Variants in DNAJC6 observed in about 807,000 individuals in gnomAD.
DNAJC6 encodes DnaJ heat shock protein family (Hsp40) member C6.
Under a neutral mutation model 110.0 loss-of-function variants are expected in DNAJC6, and 34 were observed. The ratio of observed to expected loss-of-function variants is 0.31; its 90% CI spans 0.24 to 0.41. The LOEUF (loss-of-function observed/expected upper bound fraction) is 0.41. Among genes scored for constraint, DNAJC6 ranks in the 10% least tolerant of loss-of-function variants. DNAJC6 has a pLI of 1.00. For missense variants in DNAJC6, 1,031 were observed against 1,207.8 expected (o/e 0.85, Z 2.17); for synonymous variants, 406 against 437.2 (o/e 0.93, Z 0.89).
At chr1:65,295,083 C>A (rs1476242683) in intron 1 of DNAJC6, among the ~76,000 whole-genome samples, 2 of 152,136 alleles carry the variant, frequency 1.3e-5, no homozygotes, top group Admixed American at 1.3e-4. Flanking sequence ...GTGTATTGAG[C>A]TACAGTGATG....
Position 65,392,781 on chromosome 1 carries a change from C to T in DNAJC6, c.1819C>T (p.Pro607Ser). ...GTCAGGAGTGGAAGATGTGTTTCATCCTAGTGGACCTGCGTCTACCCAGTC... is the reference window on the plus strand; with the variant it reads ...GTCAGGAGTGGAAGATGTGTTTCATTCTAGTGGACCTGCGTCTACCCAGTC... ...GQSGVEDVFH[P>S]SGPASTQSTP... The change falls in exon 12 of 19, where the codon CCT becomes TCT. Residue 607 changes from proline (P) to serine (S), a missense_variant. By Grantham distance (74) the Pro-to-Ser change is moderately conservative. Coordinates refer to ENST00000371069, the MANE Select transcript of DNAJC6 (RefSeq NM_001256864.2). 6.2e-7 allele frequency: 1 copy of T among 1,608,294 alleles called. No homozygotes were observed. Among genetic ancestry groups the T allele is most frequent in the African/African-American group, 1.3e-5 (1 of 74,892 alleles).
intron 15 of DNAJC6, among the ~76,000 whole-genome samples, chr1:65,402,505 C>T (rs1258295729): frequency 2.0e-5 from 3 of 152,210 alleles, no homozygotes; most frequent in Non-Finnish European, 4.4e-5. Flanking sequence ...ATCCAGAGTT[C>T]TCAAACTGAT....
intron 1 of DNAJC6, among the ~76,000 whole-genome samples, chr1:65,269,502 G>A (rs1383882535): frequency 6.6e-6 from 1 of 152,084 alleles, no homozygotes; most frequent in East Asian, 1.9e-4. Context: ...AAATAGTGTG[G>A]TGTTCATCCT....
intron 5 of DNAJC6, among the ~76,000 whole-genome samples, chr1:65,383,019 G>A (rs891750222): frequency 6.6e-6 from 1 of 152,134 alleles, no homozygotes; most frequent in East Asian, 1.9e-4. Flanking sequence ...TTTATTTTTT[G>A]TTCTCACAAA....
intron 1 of DNAJC6, among the ~76,000 whole-genome samples, chr1:65,322,855 G>T (rs577196706): frequency 1.3e-5 from 2 of 152,152 alleles, no homozygotes; most frequent in African/African-American, 2.4e-5. Flanking sequence ...TGATATTTCT[G>T]TGAATTATTT....
chr1:65,345,565 A>T, intron 1 of DNAJC6: 1 of 697,858 alleles, frequency 1.4e-6, no homozygotes, highest in South Asian at 6.5e-5. Context: ...TAATCACAAC[A>T]CGCTAGTACT....
chr1:65,388,297 G>A (rs751417732), intron 8 of DNAJC6, 39 bp from the exon 9 acceptor site: 51 of 1,560,410 alleles, frequency 3.3e-5, no homozygotes, highest in Non-Finnish European at 4.1e-5. Flanking sequence ...TTCCCTTTTC[G>A]CTGATTGATT....
At chr1:65,380,383 G>A (rs893963962) in intron 5 of DNAJC6, among the ~76,000 whole-genome samples, 1 of 152,200 alleles carries the variant, frequency 6.6e-6, no homozygotes, top group Non-Finnish European at 1.5e-5. Context: ...ATTACTTGAT[G>A]ATTCCCAACC....
At chr1:65,279,231 A>T in intron 1 of DNAJC6, 3 of 901,396 alleles carry the variant, frequency 3.3e-6, no homozygotes, top group Non-Finnish European at 4.0e-6. Context: ...TGGCGTGCAG[A>T]GATTGAACCC....
At position 65,268,072 on chromosome 1, in the gene DNAJC6, A is replaced by G. The variant is rs74080368; in HGVS notation, c.-131+3140A>G. Among the ~76,000 whole-genome samples, 822 of 152,350 alleles carry G rather than the reference A, an allele frequency of 5.4e-3. 2 individuals are homozygous for G. The highest frequency in any genetic ancestry group is 0.019 in the African/African-American group (795 of 41,574). On this transcript the variant is annotated intron_variant, in intron 1 of 19. Transcript: ENST00000263441. Reference sequence around the variant, plus strand: ...AATATTATGAATTGTTTGGAAGTCAATTCTTTTTGTAAAGACTGAAAAAGA... The same window carrying G: ...AATATTATGAATTGTTTGGAAGTCAGTTCTTTTTGTAAAGACTGAAAAAGA...
intron 11 of DNAJC6, among the ~76,000 whole-genome samples, chr1:65,391,509 G>A (rs1010525118): frequency 6.6e-6 from 1 of 152,114 alleles, no homozygotes; most frequent in Non-Finnish European, 1.5e-5. Context: ...TCACAGCAGA[G>A]CTCTTCTTTT....
At chr1:65,304,071 A>G (rs1645014946) in intron 1 of DNAJC6, among the ~76,000 whole-genome samples, 2 of 152,228 alleles carry the variant, frequency 1.3e-5, no homozygotes, top group Non-Finnish European at 2.9e-5. Flanking sequence ...CCTCAAAATA[A>G]GAATAAAATC....
intron 1 of DNAJC6, among the ~76,000 whole-genome samples, chr1:65,320,644 C>T (rs1256142468): frequency 6.6e-6 from 1 of 152,188 alleles, no homozygotes; most frequent in African/African-American, 2.4e-5. Flanking sequence ...TGCTGCCACT[C>T]TTCTAGCCAT....
rs1385103341 is a variant in DNAJC6, at chr1:65,366,173, C to T, written c.520C>T (p.Arg174Ter). The change falls in exon 4 of 19, where the codon CGA (arginine) becomes TGA (stop). Residue 174 changes from arginine to a stop codon, truncating the protein, a stop_gained. Coordinates refer to ENST00000371069, the MANE Select transcript of DNAJC6 (RefSeq NM_001256864.2). LOFTEE classifies it high-confidence loss of function. Reference sequence around the variant, plus strand: ...ATACAATCTGTCACCTAAGTCTTATCGAACTGCCAAGTTTCACAGCCGGGT... The same window carrying T: ...ATACAATCTGTCACCTAAGTCTTATTGAACTGCCAAGTTTCACAGCCGGGT... ...TVYNLSPKSYRTAKFHSRVSE... is the reference protein window; with the variant it reads ...TVYNLSPKSY The T allele has an allele frequency of 2.5e-6, 4 of 1,613,516 alleles. No homozygotes were observed. The highest frequency in any genetic ancestry group is 3.4e-6 in the Non-Finnish European group (4 of 1,179,688).
At chr1:65,367,190 G>T (rs998958741) in intron 4 of DNAJC6, among the ~76,000 whole-genome samples, 3 of 152,110 alleles carry the variant, frequency 2.0e-5, no homozygotes, top group African/African-American at 7.2e-5. Context: ...TGGAGGGCTT[G>T]TTAAACACAG....
At chr1:65,308,351 C>T (rs1645064135), upstream of DNAJC6, among the ~76,000 whole-genome samples, 1 of 152,108 alleles carries the variant, frequency 6.6e-6, no homozygotes, top group Non-Finnish European at 1.5e-5. Context: ...TCACTTAGTC[C>T]CTCCAAGTTT....
At chr1:65,282,713 A>G (rs1653892117) in intron 1 of DNAJC6, among the ~76,000 whole-genome samples, 1 of 152,186 alleles carries the variant, frequency 6.6e-6, no homozygotes, top group Non-Finnish European at 1.5e-5. Context: ...GGTGTTCCTA[A>G]GGAAAGTATA....
rs778059320 is a variant in DNAJC6 at position 65,309,908 on chromosome 1, C to A, written c.163C>A (p.Pro55Thr). The A allele has an allele frequency of 5.2e-6, 8 of 1,536,410 alleles. No individual in the cohort carries two copies. Among genetic ancestry groups the A allele is most frequent in the South Asian group, 2.4e-5 (2 of 82,646 alleles). The change falls in exon 1 of 19, where the codon CCG (proline) becomes ACG (threonine). Residue 55 changes from proline (P) to threonine (T), a missense_variant. Coordinates refer to ENST00000371069, the MANE Select transcript of DNAJC6 (RefSeq NM_001256864.2). ...GGCGCGGAGTCCCGCCCGACAGCCT[C>A]CGGACCGCGCCAGCACCATGGACAG... ...AAARSPARQP[P>T]DRASTMDSSG...
intron 1 of DNAJC6, among the ~76,000 whole-genome samples, chr1:65,351,129 G>A (rs761294749): frequency 6.6e-6 from 1 of 152,150 alleles, no homozygotes; most frequent in Non-Finnish European, 1.5e-5. Context: ...CAGCTCAGGG[G>A]ACCACTATTC....
Sources: gnomAD v4.1 joint callset for allele counts (sites outside exome capture counted in the v4.1 genomes callset) on GRCh38, gnomAD v4.1.1 for gene constraint, MANE v1.5 for transcripts, NCBI Gene and HGNC (gene_info 2026-07-23, HGNC 2026-07-21) for gene names.